The following TGM2 variants were observed in gnomAD, a reference collection of about 807,000 sequenced individuals.
TGM2 encodes protein-glutamine gamma-glutamyltransferase 2.
TGM2 carries 53 observed loss-of-function variants against 75.6 expected under a neutral mutation model. The ratio of observed to expected loss-of-function variants is 0.70; its 90% CI spans 0.56 to 0.88. TGM2 has a LOEUF of 0.88. TGM2 is among the 40% of genes least tolerant of loss of function. The probability of loss-of-function intolerance (pLI) is 0.00; values close to 1 mark genes in which losing one functional copy is unlikely to be tolerated. For synonymous variants in TGM2, 374 were observed against 381.1 expected (o/e 0.98, Z 0.22); for missense variants, 842 against 928.5 (o/e 0.91, Z 1.21).
Position 38,148,015 on chromosome 20 carries a change from A to G in TGM2, c.627T>C (p.Arg209=). The G allele has an allele frequency of 6.2e-7, 1 of 1,611,906 alleles. No homozygotes were observed. Among genetic ancestry groups the G allele is most frequent in the Non-Finnish European group, 8.5e-7 (1 of 1,179,192 alleles). The change falls in exon 5 of 13, where the codon CGT becomes CGC. Residue 209 remains arginine (R), a synonymous_variant. Coordinates refer to ENST00000361475, the MANE Select transcript of TGM2 (RefSeq NM_004613.4). Reference sequence around the variant, plus strand: ...CGGGGCTGCTGCGGCGGGAGCAGTCACGGCCGGCGTTCTTCAGGAACTTGG... The same window carrying G: ...CGGGGCTGCTGCGGCGGGAGCAGTCGCGGCCGGCGTTCTTCAGGAACTTGG... ...VNPKFLKNAG[R]DCSRRSSPVY...
chr20:38,162,155 C>T (rs1271082047), intron 1 of TGM2, among the ~76,000 whole-genome samples: 1 of 152,202 alleles, frequency 6.6e-6, no homozygotes, highest in African/African-American at 2.4e-5. Context: ...CCCTGTGGCA[C>T]TTCCTAGCTG....
At chr20:38,146,920 A>T in intron 5 of TGM2, 26 bp from the exon 6 acceptor site, 1 of 1,608,108 alleles carries the variant, frequency 6.2e-7, no homozygotes, top group African/African-American at 1.3e-5. Flanking sequence ...CAGCACGGGG[A>T]CTGAGCCTGG....
rs139395066 is a variant in TGM2, at chr20:38,156,006, C to T, written c.274G>A (p.Val92Met). 6.1e-5 allele frequency: 99 copies of T among 1,613,778 alleles called. No individual in the cohort carries two copies. The South Asian group carries it at 6.9e-4, about 11-fold the overall frequency. The stretch of plus-strand genomic sequence containing the variant: ...AGGGTGCAGTCTTGCTGGTCCACCA[C>T]GGTGGCTGTCCAGTCACCCTCCTCC... ...AVEEGDWTAT[V>M]VDQQDCTLSL... Residue 92 changes from valine (V) to methionine (M), a missense_variant, in exon 3 of 13, where the codon GTG (valine) becomes ATG (methionine). Transcript: ENST00000361475.
At chr20:38,135,284 A>G (rs934998322) in intron 10 of TGM2, among the ~76,000 whole-genome samples, 1 of 152,168 alleles carries the variant, frequency 6.6e-6, no homozygotes, top group African/African-American at 2.4e-5. Flanking sequence ...TCTGAGCACG[A>G]GAAGGAGCTG....
intron 1 of TGM2, 29 bp from the exon 2 acceptor site, chr20:38,161,628 C>T (rs1223639483): frequency 6.2e-7 from 1 of 1,613,990 alleles, no homozygotes; most frequent in East Asian, 2.2e-5. Context: ...ACGCATGAGC[C>T]TCGGGGGCAT....
chr20:38,138,223 T>C lies in TGM2; in HGVS notation c.1505A>G (p.Glu502Gly). ...ACAGAGCAGGAGGCGGCAGACGTAC[T>C]CCTCAGCGGTGTTGTTGGTGATGTG... is the stretch of plus-strand genomic sequence containing the variant. Reference protein sequence around the residue: ...FAHITNNTAEEYVCRLLLCAR... With the variant: ...FAHITNNTAEGYVCRLLLCAR... Residue 502 changes from glutamate (E) to glycine (G), a missense_variant, in exon 10 of 13, where the codon GAG (glutamate) becomes GGG (glycine). By Grantham distance (98) the Glu-to-Gly change is moderately conservative (BLOSUM62 -2). Transcript: ENST00000361475. 6.2e-7 allele frequency: 1 copy of C among 1,612,336 alleles called. No individual in the cohort carries two copies. The highest frequency in any genetic ancestry group is 8.5e-7 in the Non-Finnish European group (1 of 1,179,248).
At chr20:38,138,465 C>T (rs753386630) in intron 9 of TGM2, 80 bp from the exon 10 acceptor site, 32 of 1,606,598 alleles carry the variant, frequency 2.0e-5, no homozygotes, top group Middle Eastern at 2.2e-4. Context: ...GAGCTGTCTT[C>T]GCAGAGGCCT....
At chr20:38,164,071 A>T (rs2075284573) in intron 1 of TGM2, among the ~76,000 whole-genome samples, 1 of 152,208 alleles carries the variant, frequency 6.6e-6, no homozygotes, top group East Asian at 1.9e-4. Flanking sequence ...GCTCATCATA[A>T]CTGGCATCTC....
At chr20:38,153,175 G>T (rs900279863) in intron 3 of TGM2, among the ~76,000 whole-genome samples, 2 of 152,136 alleles carry the variant, frequency 1.3e-5, no homozygotes, top group Non-Finnish European at 2.9e-5. Context: ...GTCCATCAGT[G>T]GGGGCTGGAC....
intron 3 of TGM2, among the ~76,000 whole-genome samples, chr20:38,153,139 C>T (rs2075134502): frequency 1.3e-5 from 2 of 152,162 alleles, no homozygotes; most frequent in South Asian, 4.1e-4. Context: ...TCCCTGCGTG[C>T]CATGAGCCTC....
At position 38,138,354 on chromosome 20, in the gene TGM2, C is replaced by G; in HGVS notation, c.1374G>C (p.Arg458Ser). 1.9e-6 allele frequency: 3 copies of G among 1,614,090 alleles called. No individual in the cohort carries two copies. Among genetic ancestry groups the G allele is most frequent in the Non-Finnish European group, 2.5e-6 (3 of 1,180,028 alleles). The change falls in exon 10 of 13, where the codon AGG becomes AGC. Residue 458 changes from arginine (R) to serine (S), a missense_variant. Physicochemically the swap from Arg to Ser is moderately radical, Grantham distance 110. Coordinates refer to ENST00000361475, the MANE Select transcript of TGM2 (RefSeq NM_004613.4). ...CGGCCAGTTTGTTCAGGTGGTTCGC[C>G]CTTGTGAAGGCCTCCCTCTCCTCTG... ...GSSEEREAFT[R>S]ANHLNKLAEK...
At position 38,154,006 on chromosome 20, in the gene TGM2, G is replaced by A. The variant is rs953645436; in HGVS notation, c.433+1841C>T. 7.9e-5 allele frequency among the ~76,000 whole-genome samples: 12 copies of A among 152,138 alleles called. No homozygotes were observed. The East Asian group carries it at 9.7e-4, about 12-fold the overall frequency. Reference sequence around the variant, plus strand: ...TAATTTTTGTATTTTTTATAGAGACGGTGGGTTTCGCCATGTTGGCCAGGC... The same window carrying A: ...TAATTTTTGTATTTTTTATAGAGACAGTGGGTTTCGCCATGTTGGCCAGGC... On this transcript the variant is annotated intron_variant, in intron 3 of 12. Transcript: ENST00000361475.
chr20:38,139,046 T>C (rs1375837467), intron 9 of TGM2, among the ~76,000 whole-genome samples: 1 of 152,166 alleles, frequency 6.6e-6, no homozygotes, highest in Non-Finnish European at 1.5e-5. Flanking sequence ...GGAACTATGG[T>C]TTCTTAGTCC....
chr20:38,151,767 A>T (rs922847217), intron 3 of TGM2, among the ~76,000 whole-genome samples: 3 of 152,160 alleles, frequency 2.0e-5, no homozygotes, highest in Non-Finnish European at 2.9e-5. Context: ...TAAGTTTTAG[A>T]GAGTTGGAAC....
In TGM2 at chr20:38,152,012, A is replaced by C. The variant is rs370699748; in HGVS notation, c.434-955T>G. 5.9e-5 allele frequency among the ~76,000 whole-genome samples: 9 copies of C among 152,354 alleles called. No individual in the cohort carries two copies. In the South Asian group the frequency reaches 1.2e-3, roughly 21 times the overall value. ...CCCCATTATGACTTTGGTGAGCCCC[A>C]GGCACTCTTGACTTCATGCATTCCT... On this transcript the variant is annotated intron_variant, in intron 3 of 12. Coordinates refer to ENST00000361475, the MANE Select transcript of TGM2 (RefSeq NM_004613.4).
intron 2 of TGM2, among the ~76,000 whole-genome samples, chr20:38,156,296 TG>T (rs2075186958): frequency 2.0e-5 from 3 of 152,332 alleles, no homozygotes; most frequent in African/African-American, 7.2e-5. Context: ...GGTGGTTTTG[TG>T]GGAATGCATA....
At position 38,131,169 on chromosome 20, in the gene TGM2, G is replaced by T. The variant is rs766932708; in HGVS notation, c.1837C>A (p.Leu613Ile). The change falls in exon 12 of 13, where the codon CTC becomes ATC. Residue 613 changes from leucine (L) to isoleucine (I), a missense_variant. Transcript: ENST00000361475. Reference sequence around the variant, plus strand: ...GTGCAGCCTTCCAGGGCCACAGGGAGCGGGTTCTGCAGGGACACCTCAGCC... The same window carrying T: ...GTGCAGCCTTCCAGGGCCACAGGGATCGGGTTCTGCAGGGACACCTCAGCC... ...LVAEVSLQNP[L>I]PVALEGCTFT... The T allele has an allele frequency of 6.2e-7, 1 of 1,613,916 alleles. No homozygotes were observed. The highest frequency in any genetic ancestry group is 8.5e-7 in the Non-Finnish European group (1 of 1,180,022).
chr20:38,165,905 A>G (rs1326103068), upstream of TGM2, among the ~76,000 whole-genome samples: 3 of 152,098 alleles, frequency 2.0e-5, no homozygotes, highest in East Asian at 5.8e-4. Flanking sequence ...ACAGCCTGAC[A>G]CAGCCAGGTA....
In TGM2 at chr20:38,132,324, C is replaced by T. The variant is rs1372913000; in HGVS notation, c.1776+16G>A. On this transcript the variant is annotated intron_variant, in intron 11 of 12. Coordinates refer to ENST00000361475, the MANE Select transcript of TGM2 (RefSeq NM_004613.4). The stretch of plus-strand genomic sequence containing the variant: ...AGCTGCCCTGGGACCCTGCCCCTTG[C>T]CCAGCCTGCCCTTACCCGGATCTTG... 1 of 1,614,006 alleles carries T rather than the reference C, an allele frequency of 6.2e-7. No individual in the cohort carries two copies. The highest frequency in any genetic ancestry group is 1.7e-5 in the Admixed American group (1 of 60,026).
Sources: gnomAD v4.1 joint callset for allele counts (sites outside exome capture counted in the v4.1 genomes callset) on GRCh38, gnomAD v4.1.1 for gene constraint, MANE v1.5 for transcripts, NCBI Gene and HGNC (gene_info 2026-07-23, HGNC 2026-07-21) for gene names.